CSMD2: variants seen among roughly 807,000 people sequenced by gnomAD.
The protein encoded by CSMD2 is CUB and Sushi multiple domains 2.
Under a neutral mutation model 398.5 loss-of-function variants are expected in CSMD2, and 130 were observed. The ratio of observed to expected loss-of-function variants is 0.33; its 90% CI spans 0.28 to 0.38. CSMD2 has a LOEUF of 0.38. CSMD2 is among the 10% of genes least tolerant of loss of function. The pLI is 1.00. For missense variants in CSMD2, 3,829 were observed against 4,764.9 expected (o/e 0.80, Z 5.78); for synonymous variants, 1,828 against 1,908.5 (o/e 0.96, Z 1.10).
At chr1:33,555,915 A>G (rs1417717633) in intron 55 of CSMD2, among the ~76,000 whole-genome samples, 2 of 152,120 alleles carry the variant, frequency 1.3e-5, no homozygotes, top group Non-Finnish European at 2.9e-5. Context: ...TAATATATAT[A>G]CCTATTAGTA....
chr1:33,895,129 C>G (rs531970966), intron 5 of CSMD2, among the ~76,000 whole-genome samples: 5 of 152,204 alleles, frequency 3.3e-5, no homozygotes, highest in African/African-American at 4.8e-5. Context: ...GTTAGATTCT[C>G]TGCTTAATGC....
intron 3 of CSMD2, among the ~76,000 whole-genome samples, chr1:33,953,245 T>G (rs1645063646): frequency 6.6e-6 from 1 of 152,208 alleles, no homozygotes; most frequent in Non-Finnish European, 1.5e-5. Flanking sequence ...GGAGGCTTTA[T>G]CCCTGAATTT....
intron 5 of CSMD2, among the ~76,000 whole-genome samples, chr1:33,851,863 C>A (rs1253622997): frequency 6.6e-6 from 1 of 152,104 alleles, no homozygotes; most frequent in Non-Finnish European, 1.5e-5. Flanking sequence ...ATGGAAGTTT[C>A]TTTTGAATAT....
At chr1:34,060,983 C>G (rs1354574966) in intron 2 of CSMD2, among the ~76,000 whole-genome samples, 1 of 152,078 alleles carries the variant, frequency 6.6e-6, no homozygotes, top group Non-Finnish European at 1.5e-5. Context: ...CTGGAGACAG[C>G]TATTGCATAA....
At chr1:33,943,209 A>G (rs1392134647) in intron 3 of CSMD2, among the ~76,000 whole-genome samples, 3 of 152,276 alleles carry the variant, frequency 2.0e-5, no homozygotes, top group African/African-American at 7.2e-5. Context: ...GAAAACCTTA[A>G]GAACCTCTCT....
At chr1:34,087,579 G>A (rs1658030731) in intron 2 of CSMD2, among the ~76,000 whole-genome samples, 1 of 150,022 alleles carries the variant, frequency 6.7e-6, no homozygotes. Flanking sequence ...TAACAAACCT[G>A]CATGTTCTGC....
At chr1:33,768,547 T>TGC (rs1650847251) in intron 13 of CSMD2, among the ~76,000 whole-genome samples, 1 of 128,408 alleles carries the variant, frequency 7.8e-6, no homozygotes, top group African/African-American at 2.7e-5. Flanking sequence ...TGTGTGTGTG[T>TGC]GTGTGTGTGT....
intron 6 of CSMD2, among the ~76,000 whole-genome samples, chr1:33,837,246 C>A (rs138990803): frequency 6.6e-6 from 1 of 152,260 alleles, no homozygotes; most frequent in East Asian, 1.9e-4. Flanking sequence ...TTGTGAGAGT[C>A]AGAGAACAAA....
intron 6 of CSMD2, among the ~76,000 whole-genome samples, chr1:33,835,513 T>C (rs1237955230): frequency 1.9e-5 from 1 of 52,330 alleles, no homozygotes; most frequent in Non-Finnish European, 3.0e-5. Flanking sequence ...GGGGTGGGGG[T>C]AGGGGGGAGG....
In CSMD2 at chr1:33,533,866, C is replaced by G. The variant is rs1434024769; in HGVS notation, c.9921G>C (p.Leu3307=). The G allele has an allele frequency of 6.2e-7, 1 of 1,613,984 alleles. No individual in the cohort carries two copies. The highest frequency in any genetic ancestry group is 1.3e-5 in the African/African-American group (1 of 74,922). Residue 3307 remains leucine, a synonymous_variant, in exon 63 of 71, where the codon CTG becomes CTC. Coordinates refer to ENST00000373381, the MANE Select transcript of CSMD2 (RefSeq NM_001281956.2). This position sits in a 1 kb window ranked among gnomAD's most constrained non-coding sequence, Gnocchi z 4.2. The stretch of plus-strand genomic sequence containing the variant: ...AGGTCCTGGTGGTGGAGCCCTGAAG[C>G]AGGTAGCCTTTTTGACAACGGAAGA... ...TVLFRCQKGY[L]LQGSTTRTCL...
chr1:33,755,249 C>T (rs974899722), intron 13 of CSMD2, among the ~76,000 whole-genome samples: 1 of 152,148 alleles, frequency 6.6e-6, no homozygotes, highest in Admixed American at 6.5e-5. Context: ...CCTTAAATTT[C>T]TTTCACCTCT....
intron 27 of CSMD2, among the ~76,000 whole-genome samples, chr1:33,654,398 C>A (rs1643887814): frequency 6.6e-6 from 1 of 152,166 alleles, no homozygotes; most frequent in South Asian, 2.1e-4. Flanking sequence ...TTGTTTTCCC[C>A]CTTTCTACTT....
At chr1:33,561,008 C>G (rs891510838) in intron 53 of CSMD2, among the ~76,000 whole-genome samples, 1 of 152,146 alleles carries the variant, frequency 6.6e-6, no homozygotes, top group Non-Finnish European at 1.5e-5. Flanking sequence ...TTTTGCCAGG[C>G]CTCTCGCTTT....
At chr1:33,688,987 G>A (rs997446679) in intron 25 of CSMD2, among the ~76,000 whole-genome samples, 1 of 151,784 alleles carries the variant, frequency 6.6e-6, no homozygotes, top group Non-Finnish European at 1.5e-5. Context: ...CAAGACAGGT[G>A]TGTGTGTGTG....
At chr1:34,032,820 G>T in intron 2 of CSMD2, 114 bp from the exon 3 acceptor site, 1 of 688,474 alleles carries the variant, frequency 1.5e-6, no homozygotes, top group Non-Finnish European at 2.4e-6. Context: ...CACACAGAGG[G>T]TGTTCAAAGA....
intron 3 of CSMD2, among the ~76,000 whole-genome samples, chr1:34,026,497 T>C (rs1217500041): frequency 6.6e-6 from 1 of 152,168 alleles, no homozygotes; most frequent in East Asian, 1.9e-4. Flanking sequence ...GCTAGAGTAT[T>C]AAGTAGATCT....
At chr1:33,517,090 G>A (rs979804014) in intron 70 of CSMD2, among the ~76,000 whole-genome samples, 3 of 152,064 alleles carry the variant, frequency 2.0e-5, no homozygotes, top group African/African-American at 7.2e-5. Flanking sequence ...GACCGCACAG[G>A]CCTCGTTGCT....
chr1:33,658,659 C>T (rs745371242), intron 26 of CSMD2, among the ~76,000 whole-genome samples: 22 of 151,706 alleles, frequency 1.5e-4, no homozygotes, highest in Admixed American at 6.6e-5. Context: ...GTCAGGAGCT[C>T]GAGACCAGCC....
intron 2 of CSMD2, among the ~76,000 whole-genome samples, chr1:34,039,016 A>C (rs777084625): frequency 6.6e-6 from 1 of 151,766 alleles, no homozygotes; most frequent in Non-Finnish European, 1.5e-5. Context: ...TGTCTAATTA[A>C]CTCTTTCTCA....
Sources: allele counts gnomAD v4.1 joint callset (sites outside exome capture counted in the v4.1 genomes callset), GRCh38; gene constraint gnomAD v4.1.1; non-coding constraint Gnocchi (gnomAD v3.1); transcripts MANE v1.5; gene names NCBI Gene and HGNC (gene_info 2026-07-23, HGNC 2026-07-21).